Variants in SHOX observed in about 807,000 individuals in gnomAD.
SHOX encodes the protein short stature homeobox protein.
Under a neutral mutation model 29.6 loss-of-function variants are expected in SHOX, and 12 were observed. That is an observed-to-expected ratio of 0.41 (90% CI 0.26 to 0.66). The LOEUF is 0.66. SHOX is among the 30% of genes least tolerant of loss of function. SHOX has a pLI of 0.35. For synonymous variants in SHOX, 214 were observed against 200.6 expected, an observed-to-expected ratio of 1.07 and a Z score of -0.57; for missense variants, 499 against 437.7, an observed-to-expected ratio of 1.14 and a Z score of -1.25.
rs1556451609 is a variant in SHOX at position 624,862 on chromosome X, T to TTTTCTTTCTTTCCTTTC, written c.-433+272_-433+273insCTTTCTTTCTTTCTTTC. On this transcript the variant is annotated intron_variant, in intron 1 of 5. Coordinates refer to the SHOX transcript ENST00000334060. ...TCCTTCCTCTCTTCCTCTTTCTTTC[T>TTTTCTTTCTTTCCTTTC]TTTCTTTCTTTCTTTCTTTCTTTCT... Among the ~76,000 whole-genome samples the TTTTCTTTCTTTCCTTTC allele has an allele frequency of 3.7e-3, 288 of 76,842 alleles. 3 individuals are homozygous for TTTTCTTTCTTTCCTTTC. The highest frequency in any genetic ancestry group is 5.9e-3 in the Non-Finnish European group (219 of 37,256). 50.4% of individuals were successfully genotyped at this position (76,842 alleles called of 152,430 possible).
At position 646,568 on chromosome X, in the gene SHOX, G is replaced by C. The variant is rs1188571418; in HGVS notation, c.*1932G>C. 1 of 150,516 alleles carries C rather than the reference G, an allele frequency of 6.6e-6. No homozygotes were observed. Among genetic ancestry groups the C allele is most frequent in the Non-Finnish European group, 1.5e-5 (1 of 67,762 alleles). The allele number at this position is 150,516 out of a possible 1,614,324, so 9.3% of individuals were successfully genotyped here. Reference sequence around the variant, plus strand: ...AAAAAACAACTTCTTTTTTTCTTCCGCATAACACTTTCTATCTTGTCACTG... The same window carrying C: ...AAAAAACAACTTCTTTTTTTCTTCCCCATAACACTTTCTATCTTGTCACTG... On this transcript the variant is annotated 3_prime_UTR_variant, in exon 5 of 5. Transcript: ENST00000686671.
At chrX:638,885 C>G (rs1464856035) in intron 2 of SHOX, among the ~76,000 whole-genome samples, 4 of 152,212 alleles carry the variant, frequency 2.6e-5, no homozygotes, top group African/African-American at 9.6e-5. Context: ...CGAATCATTT[C>G]TCTTGGGTGG....
chrX:644,640 G>T lies in SHOX; in HGVS notation c.*4G>T. 1 of 1,468,544 alleles carries T rather than the reference G, an allele frequency of 6.8e-7. No individual in the cohort carries two copies. The highest frequency in any genetic ancestry group is 2.9e-5 in the East Asian group (1 of 34,530). 91.0% of individuals were successfully genotyped at this position (1,468,544 alleles called of 1,614,324 possible). On this transcript the variant is annotated 3_prime_UTR_variant, in exon 5 of 5. Transcript: ENST00000686671. ...CGCGGAGGCCCTGGGGCTCTGACCC[G>T]CCGCGCAGCCCCCCGCGCGCCCGGA... is the stretch of plus-strand genomic sequence containing the variant.
At position 641,024 on chromosome X, in the gene SHOX, C is replaced by T. The variant is rs755922072; in HGVS notation, c.570C>T (p.His190=). The stretch of plus-strand genomic sequence containing the variant: ...GCGTCATCTTGGGCACAGCCAACCA[C>T]CTAGACGCCTGCCGAGTGGCACCCT... ...HKGVILGTAN[H]LDACRVAPYV... is the part of the protein sequence containing the mutation. The change falls in exon 4 of 5, where the codon CAC becomes CAT. Residue 190 remains histidine (H), a synonymous_variant. Transcript: ENST00000686671. The T allele has an allele frequency of 2.5e-6, 4 of 1,613,902 alleles. No individual in the cohort carries two copies. The highest frequency in any genetic ancestry group is 1.7e-4 in the Middle Eastern group (1 of 6,022).
At chrX:658,747 G>A (rs1452101390) in intron 5 of SHOX, 1 of 377,924 alleles carries the variant, frequency 2.6e-6, no homozygotes, top group South Asian at 2.1e-5. Context: ...TGGGACTACA[G>A]GCGTGAGCCA....
In SHOX at chrX:630,957, C is replaced by T; in HGVS notation, c.60C>T (p.Asn20=). 6.2e-7 allele frequency: 1 copy of T among 1,613,812 alleles called. No homozygotes were observed. The highest frequency in any genetic ancestry group is 8.5e-7 in the Non-Finnish European group (1 of 1,179,858). ...KSFDQKSKDG[N]GGGGGGGGKK... ...TTGACCAGAAAAGCAAGGACGGTAA[C>T]GGCGGAGGCGGAGGCGGCGGAGGTA... The change falls in exon 1 of 5, where the codon AAC becomes AAT. Residue 20 remains asparagine (N), a synonymous_variant. Transcript: ENST00000686671.
intron 1 of SHOX, 27 bp downstream of exon 1, chrX:631,201 G>C: frequency 6.2e-7 from 1 of 1,603,586 alleles, no homozygotes; most frequent in African/African-American, 1.3e-5. Context: ...TCCGGCTCCA[G>C]GGGGGCCCTC....
chrX:650,254 C>T lies in SHOX; in HGVS notation c.*5618C>T, dbSNP rs541904449. On this transcript the variant is annotated 3_prime_UTR_variant, in exon 5 of 5. Coordinates refer to ENST00000686671, the MANE Select transcript of SHOX (RefSeq NM_000451.4). The stretch of plus-strand genomic sequence containing the variant: ...TCCACTTACAAAGCTGGTGGTGCGA[C>T]GGGCTTGGTGTCTCCCGTACGGGAA... 3.0e-4 allele frequency among the ~76,000 whole-genome samples: 45 copies of T among 152,320 alleles called. No individual in the cohort carries two copies. In the South Asian group the frequency reaches 3.5e-3, roughly 12 times the overall value.
chrX:652,090 C>G (rs1344907168), downstream of SHOX, among the ~76,000 whole-genome samples: 1 of 151,884 alleles, frequency 6.6e-6, no homozygotes, highest in Non-Finnish European at 1.5e-5. Context: ...GCGCCCGGCT[C>G]ATTTTTGTAT....
At chrX:624,918 CTTTCTTTCTTTCT>C (rs2052487105) in intron 1 of SHOX, among the ~76,000 whole-genome samples, 2 of 102,186 alleles carry the variant, frequency 2.0e-5, no homozygotes, top group African/African-American at 4.2e-5. Context: ...TCCTTTCTTT[CTTTCTTTCTTTCT>C]TTTCTTTCTT....
chrX:629,483 C>G (rs1215623160), upstream of SHOX, among the ~76,000 whole-genome samples: 1 of 151,352 alleles, frequency 6.6e-6, no homozygotes, highest in African/African-American at 2.4e-5. Flanking sequence ...CTTTCCTTGT[C>G]TCTCTCTTTC....
intron 2 of SHOX, among the ~76,000 whole-genome samples, chrX:635,054 C>T (rs2052720879): frequency 2.0e-5 from 3 of 151,918 alleles, no homozygotes. Context: ...AATATATATA[C>T]ATATATATTA....
At chrX:644,156 G>T (rs2052919797) in intron 4 of SHOX, among the ~76,000 whole-genome samples, 1 of 152,154 alleles carries the variant, frequency 6.6e-6, no homozygotes, top group Non-Finnish European at 1.5e-5. Context: ...CATGCGCTTT[G>T]CAGGGAGCTG....
intron 1 of SHOX, among the ~76,000 whole-genome samples, chrX:625,219 C>T (rs1603281521): frequency 7.0e-6 from 1 of 143,850 alleles, no homozygotes; most frequent in Non-Finnish European, 1.5e-5. Flanking sequence ...CCTCCTCCTC[C>T]TCCTTCTCCC....
intron 2 of SHOX, among the ~76,000 whole-genome samples, chrX:635,626 G>T (rs1205500431): frequency 6.6e-6 from 1 of 152,236 alleles, no homozygotes; most frequent in Non-Finnish European, 1.5e-5. Flanking sequence ...TGCCCCATGA[G>T]ACCAGGCACT....
chrX:627,377 C>A (rs1272098191), upstream of SHOX, among the ~76,000 whole-genome samples: 1 of 152,078 alleles, frequency 6.6e-6, no homozygotes, highest in Non-Finnish European at 1.5e-5. Flanking sequence ...AAGGGAAGGG[C>A]AGGGAGAGAA....
At chrX:625,060 TCCCTCCCTCCC>T (rs2052494775) in intron 1 of SHOX, among the ~76,000 whole-genome samples, 1 of 46,348 alleles carries the variant, frequency 2.2e-5, no homozygotes, top group African/African-American at 1.0e-4. Context: ...TGTTCCTTCC[TCCCTCCCTCCC>T]TCCTTCTCTC....
rs1286835024 is a variant in SHOX, at chrX:644,823, C to T, written c.*187C>T. ...ACCGTCCACGCACGACCCAGCCAGA[C>T]CCTCGCGGAGATGGTGCAGAAGGCG... On this transcript the variant is annotated 3_prime_UTR_variant, in exon 5 of 5. Transcript: ENST00000686671. 1 of 757,740 alleles carries T rather than the reference C, an allele frequency of 1.3e-6. No homozygotes were observed. The highest frequency in any genetic ancestry group is 1.9e-6 in the Non-Finnish European group (1 of 530,142). The allele number at this position is 757,740 out of a possible 1,614,324, so 46.9% of individuals were successfully genotyped here.
chrX:625,164 C>A (rs1021742500), intron 1 of SHOX, among the ~76,000 whole-genome samples: 4 of 128,740 alleles, frequency 3.1e-5, no homozygotes, highest in Admixed American at 8.8e-5. Flanking sequence ...CCTCTTCCTT[C>A]CCCCATCCTC....
Sources: gnomAD v4.1 joint callset for allele counts (sites outside exome capture counted in the v4.1 genomes callset) on GRCh38, gnomAD v4.1.1 for gene constraint, MANE v1.5 for transcripts, NCBI Gene and HGNC (gene_info 2026-07-23, HGNC 2026-07-21) for gene names.